Variants in GNAT3 observed in about 807,000 individuals in gnomAD.
GNAT3 encodes the protein G protein subunit alpha transducin 3.
In GNAT3, 31 loss-of-function variants were observed where a neutral mutation model predicts 37.7. The observed-to-expected ratio is 0.82, with a 90% CI of 0.62 to 1.11. The LOEUF (loss-of-function observed/expected upper bound fraction) is 1.11. GNAT3 is among the 50% of genes most tolerant of loss of function. The pLI, the probability that GNAT3 is intolerant of heterozygous loss-of-function variation, is 0.00. For synonymous variants in GNAT3, 138 were observed against 139.8 expected, an observed-to-expected ratio of 0.99 and a Z score of 0.09; for missense variants, 437 against 412.5, an observed-to-expected ratio of 1.06 and a Z score of -0.51.
intron 3 of GNAT3, among the ~76,000 whole-genome samples, chr7:80,487,996 A>C (rs1037620958): frequency 6.6e-6 from 1 of 152,174 alleles, no homozygotes; most frequent in African/African-American, 2.4e-5. Context: ...GCTACCTTAC[A>C]AACGGAACTA....
intron 3 of GNAT3, among the ~76,000 whole-genome samples, chr7:80,484,963 TATTCCC>T (rs1790452655): frequency 6.6e-6 from 1 of 152,074 alleles, no homozygotes; most frequent in Admixed American, 6.5e-5. Context: ...TCTCTCACTA[TATTCCC>T]AATGGCTCCA....
At chr7:80,494,480 C>T (rs780272691) in intron 2 of GNAT3, 125 bp downstream of exon 2, 1 of 580,546 alleles carries the variant, frequency 1.7e-6, no homozygotes, top group Non-Finnish European at 3.1e-6. Context: ...GGAACTATGA[C>T]CACTCTATGA....
rs763235551 is a variant in GNAT3, at chr7:80,511,906, T to C, written c.21A>G (p.Ser7=). ...ATCTTTTGGCTGACTCCTTGCTCTC[T>C]GAACTAATTCCACTTCCCATCTTGT... is the stretch of plus-strand genomic sequence containing the variant. MGSGIS[S]ESKESAKRSK... The change falls in exon 1 of 8, where the codon TCA becomes TCG. Residue 7 remains serine, a synonymous_variant. Coordinates refer to ENST00000398291, the MANE Select transcript of GNAT3 (RefSeq NM_001102386.3). 1.2e-6 allele frequency: 2 copies of C among 1,610,724 alleles called. No homozygotes were observed. Among genetic ancestry groups the C allele is most frequent in the Admixed American group, 1.7e-5 (1 of 59,736 alleles).
chr7:80,488,805 A>C, intron 2 of GNAT3, 129 bp from the exon 3 acceptor site: 1 of 574,120 alleles, frequency 1.7e-6, no homozygotes, highest in Non-Finnish European at 3.0e-6. Flanking sequence ...CCATACATAT[A>C]TGCTAACTCT....
At chr7:80,493,602 T>TTCC (rs1179188882) in intron 2 of GNAT3, among the ~76,000 whole-genome samples, 28 of 114,362 alleles carry the variant, frequency 2.4e-4, no homozygotes, top group African/African-American at 9.0e-4. Context: ...ATCCTCCTCT[T>TTCC]TCCTCCTCCT....
chr7:80,468,244 C>T (rs980947591), intron 5 of GNAT3, among the ~76,000 whole-genome samples: 1 of 151,772 alleles, frequency 6.6e-6, no homozygotes, highest in East Asian at 1.9e-4. Context: ...AAACAGTTGG[C>T]TAAATATTGG....
chr7:80,484,601 A>C (rs942230228), intron 3 of GNAT3, among the ~76,000 whole-genome samples: 1 of 152,138 alleles, frequency 6.6e-6, no homozygotes, highest in African/African-American at 2.4e-5. Context: ...ATGCTCCAAA[A>C]TAGGATATAA....
rs144516759 is a variant in GNAT3, at chr7:80,494,209, A to T, written c.161+396T>A. The stretch of plus-strand genomic sequence containing the variant: ...TCACAATTCATGATAGTAATTAAGC[A>T]TTTTATTCCCAGGTAGGCAAAATGC... On this transcript the variant is annotated intron_variant, in intron 2 of 7. Transcript: ENST00000398291. Among the ~76,000 whole-genome samples the T allele has an allele frequency of 3.0e-3, 453 of 152,328 alleles. 3 individuals carry two copies. Among genetic ancestry groups the T allele is most frequent in the African/African-American group, 0.01 (431 of 41,598 alleles).
At chr7:80,492,918 A>G (rs1045840327) in intron 2 of GNAT3, among the ~76,000 whole-genome samples, 3 of 151,964 alleles carry the variant, frequency 2.0e-5, no homozygotes, top group African/African-American at 7.2e-5. Flanking sequence ...ATAAGGTTAC[A>G]CTAAAATACA....
At chr7:80,486,233 A>G (rs1225890605) in intron 3 of GNAT3, among the ~76,000 whole-genome samples, 3 of 152,178 alleles carry the variant, frequency 2.0e-5, no homozygotes, top group Non-Finnish European at 2.9e-5. Flanking sequence ...GACAACTGTG[A>G]TGTTCTGATA....
At chr7:80,468,862 G>T (rs1790164893) in intron 5 of GNAT3, among the ~76,000 whole-genome samples, 1 of 151,990 alleles carries the variant, frequency 6.6e-6, no homozygotes, top group South Asian at 2.1e-4. Context: ...AACTTCAAAT[G>T]CCCACTAGAT....
intron 3 of GNAT3, among the ~76,000 whole-genome samples, chr7:80,481,106 A>G (rs990523999): frequency 1.3e-5 from 2 of 152,184 alleles, no homozygotes; most frequent in African/African-American, 4.8e-5. Flanking sequence ...TGTATAAAAA[A>G]TAAGGATATG....
At chr7:80,494,756 G>C in intron 1 of GNAT3, 109 bp from the exon 2 acceptor site, 1 of 658,786 alleles carries the variant, frequency 1.5e-6, no homozygotes. Flanking sequence ...TAGGTTTAGG[G>C]GGTACAAGTG....
Position 80,478,852 on chromosome 7 carries a change from G to A in GNAT3, c.450C>T (p.Asp150=), listed in dbSNP as rs529417293. The change falls in exon 4 of 8, where the codon GAC becomes GAT. Residue 150 remains aspartate, a synonymous_variant. Transcript: ENST00000398291. ...GTGAATTCACTTACTAAGCTGCTGA[G>A]TCATTGAGCTGATATTCAGATGCCC... The part of the protein sequence containing the change: ...FERASEYQLN[D]SAAYYLNDLD... 9.3e-6 allele frequency: 15 copies of A among 1,612,990 alleles called. No individual in the cohort carries two copies. The African/African-American group carries it at 2.0e-4, about 22-fold the overall frequency.
At chr7:80,496,490 C>T (rs1179278239) in intron 1 of GNAT3, among the ~76,000 whole-genome samples, 1 of 152,166 alleles carries the variant, frequency 6.6e-6, no homozygotes, top group Non-Finnish European at 1.5e-5. Context: ...CCCTATTCTA[C>T]CTTCACTTCT....
chr7:80,499,566 C>T (rs1242890648), intron 1 of GNAT3, among the ~76,000 whole-genome samples: 1 of 152,160 alleles, frequency 6.6e-6, no homozygotes, highest in East Asian at 1.9e-4. Context: ...AGTGTACTTT[C>T]AGAGGCATAC....
At chr7:80,493,806 TTCCTCCTCCTCCTCTTTCC>T (rs1790656648) in intron 2 of GNAT3, among the ~76,000 whole-genome samples, 1 of 83,606 alleles carries the variant, frequency 1.2e-5, no homozygotes, top group East Asian at 3.2e-4. Flanking sequence ...CTCCTCCTCT[TTCCTCCTCCTCCTCTTTCC>T]TCCTCCTCCT....
At chr7:80,510,508 CT>C (rs1791046352) in intron 1 of GNAT3, among the ~76,000 whole-genome samples, 1 of 152,174 alleles carries the variant, frequency 6.6e-6, no homozygotes, top group East Asian at 1.9e-4. Context: ...TCCCTTTTAC[CT>C]TTCATTTGCT....
chr7:80,462,436 T>A, intron 6 of GNAT3, 66 bp downstream of exon 6: 1 of 1,578,846 alleles, frequency 6.3e-7, no homozygotes, highest in Non-Finnish European at 8.7e-7. Context: ...TTGGGCAATG[T>A]GGTAGTACTA....
Sources: gnomAD v4.1 joint callset for allele counts (sites outside exome capture counted in the v4.1 genomes callset) on GRCh38, gnomAD v4.1.1 for gene constraint, MANE v1.5 for transcripts, NCBI Gene and HGNC (gene_info 2026-07-23, HGNC 2026-07-21) for gene names.